Variants in ABCB4 observed in about 807,000 individuals in gnomAD.
ABCB4 encodes ATP binding cassette subfamily B member 4.
Under a neutral mutation model 145.7 loss-of-function variants are expected in ABCB4, and 76 were observed. That is an observed-to-expected ratio of 0.52 (90% CI 0.43 to 0.63). The LOEUF (loss-of-function observed/expected upper bound fraction) is 0.63. Among genes scored for constraint, ABCB4 ranks in the 30% least tolerant of loss-of-function variants. The pLI, the probability that ABCB4 is intolerant of heterozygous loss-of-function variation, is 0.00. For missense variants in ABCB4, 1,234 were observed against 1,553.1 expected (o/e 0.79, Z 3.45); for synonymous variants, 517 against 566.8 (o/e 0.91, Z 1.25).
the ABCB4 span, among the ~76,000 whole-genome samples, chr7:87,380,844 A>G: frequency 6.6e-6 from 1 of 152,296 alleles, no homozygotes; most frequent in East Asian, 1.9e-4. Flanking sequence ...TTCTTTGTAA[A>G]ATTGTAAAGT....
Position 87,450,110 on chromosome 7 carries a change from A to C in ABCB4, c.709-18T>G. The C allele has an allele frequency of 6.2e-7, 1 of 1,613,706 alleles. No individual in the cohort carries two copies. The highest frequency in any genetic ancestry group is 8.5e-7 in the Non-Finnish European group (1 of 1,179,890). On this transcript the variant is annotated intron_variant, in intron 7 of 27. Coordinates refer to ENST00000649586, the MANE Select transcript of ABCB4 (RefSeq NM_000443.4). The stretch of plus-strand genomic sequence containing the variant: ...GAGAGTATCTGGACAGAAAAGAAAC[A>C]GTGATCACTTTTGTATAGGGAGAAA...
intron 14 of ABCB4, 94 bp from the exon 15 acceptor site, chr7:87,431,659 AGAT>A (rs1810245034): frequency 1.4e-6 from 2 of 1,452,748 alleles, no homozygotes; most frequent in African/African-American, 2.8e-5. Flanking sequence ...TGCTGTTTGT[AGAT>A]GATTAGAGAG....
Position 87,422,117 on chromosome 7 carries a change from C to T in ABCB4, c.2316+4G>A. 1 of 1,586,548 alleles carries T rather than the reference C, an allele frequency of 6.3e-7. No individual in the cohort carries two copies. Among genetic ancestry groups the T allele is most frequent in the Non-Finnish European group, 8.6e-7 (1 of 1,157,286 alleles). On this transcript the variant is annotated splice_donor_region_variant and intron_variant, in intron 18 of 27. Coordinates refer to ENST00000649586, the MANE Select transcript of ABCB4 (RefSeq NM_000443.4). ...GATGAGAAAGGCAAATCATGGGTAC[C>T]TACCTGAAGGAAGAAAGTAAAAAAA...
At chr7:87,419,406 AC>A (rs1033400935) in intron 19 of ABCB4, among the ~76,000 whole-genome samples, 5 of 152,210 alleles carry the variant, frequency 3.3e-5, no homozygotes, top group African/African-American at 1.2e-4. Context: ...TATGTCAGGC[AC>A]TAGAATGTGA....
At chr7:87,380,142 T>C in the ABCB4 span, among the ~76,000 whole-genome samples, 1 of 152,126 alleles carries the variant, frequency 6.6e-6, no homozygotes, top group African/African-American at 2.4e-5. Flanking sequence ...AATAAGCATA[T>C]GTACTGTAAA....
chr7:87,472,666 T>C lies in ABCB4; in HGVS notation c.90A>G (p.Lys30=). The C allele has an allele frequency of 6.2e-7, 1 of 1,605,860 alleles. No individual in the cohort carries two copies. Among genetic ancestry groups the C allele is most frequent in the East Asian group, 2.2e-5 (1 of 44,770 alleles). ...DFELGISSKQ[K]RKKTKTVKMI... ...TTTTCACTGTCTTCGTTTTTTTCCT[T>C]TTTTGTTTGCTGTAAAAAATAGAAT... Residue 30 remains lysine (K), a synonymous_variant, in exon 3 of 28, where the codon AAA becomes AAG. Coordinates refer to ENST00000649586, the MANE Select transcript of ABCB4 (RefSeq NM_000443.4).
At chr7:87,400,583 G>A (rs1264039727), downstream of ABCB4, among the ~76,000 whole-genome samples, 2 of 152,146 alleles carry the variant, frequency 1.3e-5, no homozygotes, top group South Asian at 2.1e-4. Context: ...TCATTCTAAT[G>A]CAGGGTTTTA....
chr7:87,450,025 G>A lies in ABCB4; in HGVS notation c.776C>T (p.Ala259Val). ...TATCACAGTCCTGATGGCCCCCAGA[G>A]CCTCTTCTGCCACGGCGCCTGCTTT... ...YAKAGAVAEE[A>V]LGAIRTVIAF... is the part of the protein sequence containing the mutation. The change falls in exon 8 of 28, where the codon GCT (alanine) becomes GTT (valine). Residue 259 changes from alanine to valine, a missense_variant. Ala to Val is a moderately conservative substitution (Grantham distance 64, BLOSUM62 0). Around this residue, in one of 7 missense-constraint regions of ABCB4, gnomAD observed 467 missense variants for 632.8 expected, o/e 0.74. Transcript: ENST00000649586. 1 of 1,614,150 alleles carries A rather than the reference G, an allele frequency of 6.2e-7. No homozygotes were observed. The highest frequency in any genetic ancestry group is 8.5e-7 in the Non-Finnish European group (1 of 1,180,026).
At chr7:87,381,863 T>C in the ABCB4 span, 2 of 1,333,164 alleles carry the variant, frequency 1.5e-6, no homozygotes, top group Non-Finnish European at 2.1e-6. Context: ...GGGTCAAGTT[T>C]TAAGTTGACA....
At chr7:87,369,547 A>G in the ABCB4 span, 6,223 of 1,004,076 alleles carry the variant, frequency 6.2e-3, 250 homozygotes, top group African/African-American at 0.09. Flanking sequence ...TAAAATATAC[A>G]TGTTTAGAAT....
chr7:87,469,899 C>T (rs1813236508), intron 3 of ABCB4, among the ~76,000 whole-genome samples: 2 of 152,156 alleles, frequency 1.3e-5, no homozygotes, highest in African/African-American at 4.8e-5. Flanking sequence ...AAAAAAGAGC[C>T]TGCATTGGCA....
chr7:87,461,076 G>T (rs966843128), intron 4 of ABCB4, among the ~76,000 whole-genome samples: 1 of 152,098 alleles, frequency 6.6e-6, no homozygotes, highest in African/African-American at 2.4e-5. Context: ...CTCCAGAGTA[G>T]CTGGGATTAC....
chr7:87,431,318 A>G, intron 15 of ABCB4, 86 bp downstream of exon 15: 1 of 1,543,908 alleles, frequency 6.5e-7, no homozygotes, highest in African/African-American at 1.4e-5. Flanking sequence ...CTTGCTCAGT[A>G]TAGCATTCAC....
the ABCB4 span, chr7:87,392,640 A>G: frequency 6.2e-7 from 1 of 1,612,598 alleles, no homozygotes; most frequent in Admixed American, 1.7e-5. Flanking sequence ...GTTCAGCTGG[A>G]AAAGGTACTT....
the ABCB4 span, among the ~76,000 whole-genome samples, chr7:87,394,576 T>C: frequency 6.6e-6 from 1 of 151,524 alleles, no homozygotes; most frequent in Non-Finnish European, 1.5e-5. Flanking sequence ...AGGAAATTTG[T>C]GAAGCTATTG....
chr7:87,469,121 A>G (rs1241916052), intron 3 of ABCB4, among the ~76,000 whole-genome samples: 3 of 152,334 alleles, frequency 2.0e-5, no homozygotes, highest in African/African-American at 4.8e-5. Context: ...AAAGAAAAAA[A>G]CCACATTATT....
At chr7:87,438,012 T>C in intron 14 of ABCB4, among the ~76,000 whole-genome samples, 1 of 152,138 alleles carries the variant, frequency 6.6e-6, no homozygotes, top group East Asian at 1.9e-4. Context: ...CTGGCAGAGG[T>C]CATATTATGA....
the ABCB4 span, among the ~76,000 whole-genome samples, chr7:87,374,043 C>T: frequency 6.6e-6 from 1 of 151,776 alleles, no homozygotes; most frequent in South Asian, 2.1e-4. Flanking sequence ...AAATCGAGGA[C>T]AGTAAATTAA....
chr7:87,390,910 A>T, the ABCB4 span, among the ~76,000 whole-genome samples: 3 of 152,204 alleles, frequency 2.0e-5, no homozygotes, highest in Admixed American at 2.0e-4. Flanking sequence ...CAGTAATTTT[A>T]TATCACAATT....
Sources: allele counts gnomAD v4.1 joint callset (sites outside exome capture counted in the v4.1 genomes callset), GRCh38; gene constraint gnomAD v4.1.1; regional missense constraint gnomAD v4.1.1; transcripts MANE v1.5; gene names NCBI Gene and HGNC (gene_info 2026-07-23, HGNC 2026-07-21).